FREM3: variants seen among roughly 807,000 people sequenced by gnomAD.
FREM3 encodes FRAS1-related extracellular matrix protein 3.
A neutral mutation model predicts 129.1 loss-of-function variants in FREM3; 105 were observed. The observed-to-expected ratio is 0.81, with a 90% CI of 0.69 to 0.96. The LOEUF is 0.96. Among genes scored for constraint, FREM3 ranks in the 40% least tolerant of loss-of-function variants. The pLI is 0.00. For synonymous variants in FREM3, 1,014 were observed against 1,044.9 expected (o/e 0.97, Z 0.57); for missense variants, 2,593 against 2,666.3 (o/e 0.97, Z 0.61).
chr4:143,663,037 G>A (rs964508527), intron 2 of FREM3, among the ~76,000 whole-genome samples: 34 of 152,084 alleles, frequency 2.2e-4, no homozygotes, highest in African/African-American at 2.9e-4. Context: ...CTCTTTATCC[G>A]ATTTGCCACT....
intron 2 of FREM3, among the ~76,000 whole-genome samples, chr4:143,631,329 G>GTATT (rs112309816): frequency 0.022 from 3,404 of 151,564 alleles, 48 homozygotes; most frequent in Non-Finnish European, 0.028. Context: ...TTATAATGCT[G>GTATT]TATTTATTTA....
intron 2 of FREM3, among the ~76,000 whole-genome samples, chr4:143,687,171 A>G (rs911722488): frequency 6.6e-6 from 1 of 152,200 alleles, no homozygotes; most frequent in Non-Finnish European, 1.5e-5. Flanking sequence ...GAGATAGTAC[A>G]ACTGACAACA....
intron 6 of FREM3, among the ~76,000 whole-genome samples, chr4:143,608,725 G>T (rs1738705406): frequency 6.6e-6 from 1 of 152,040 alleles, no homozygotes; most frequent in Admixed American, 6.6e-5. Context: ...GCATGTCCAG[G>T]GTATAGACAT....
intron 6 of FREM3, among the ~76,000 whole-genome samples, 198 bp from the exon 7 acceptor site, chr4:143,586,191 T>C (rs1025546871): frequency 3.3e-5 from 5 of 152,162 alleles, no homozygotes; most frequent in Non-Finnish European, 7.3e-5. Context: ...TACCATGACT[T>C]TGACTCCAGG....
Position 143,627,718 on chromosome 4 carries a change from G to A in FREM3, c.5318C>T (p.Ala1773Val). ...LTNQPFHLNW[A>V]WICLEKEYYI... Reference sequence around the variant, plus strand: ...GTACTCTTTCTCCAAACAAATCCAAGCCCAGTTTAGATGGAAAGGCTGATT... The same window carrying A: ...GTACTCTTTCTCCAAACAAATCCAAACCCAGTTTAGATGGAAAGGCTGATT... The change falls in exon 3 of 8, where the codon GCT (alanine) becomes GTT (valine). Residue 1773 changes from alanine to valine, a missense_variant. Physicochemically the swap from Ala to Val is moderately conservative, Grantham distance 64. This residue lies in a region of FREM3 where 2,276 missense variants were observed against 2,267.2 expected (regional missense o/e 1.00). Transcript: ENST00000329798. 6.5e-7 allele frequency: 1 copy of A among 1,535,118 alleles called. No individual in the cohort carries two copies. The highest frequency in any genetic ancestry group is 8.7e-7 in the Non-Finnish European group (1 of 1,145,068).
At chr4:143,577,975 C>T in intron 7 of FREM3, 123 bp from the exon 8 acceptor site, 1 of 1,111,016 alleles carries the variant, frequency 9.0e-7, no homozygotes, top group Non-Finnish European at 1.2e-6. Context: ...CTCTCAGGAT[C>T]ATATACTTTG....
chr4:143,606,357 A>G (rs1158942280), intron 6 of FREM3, among the ~76,000 whole-genome samples: 1 of 146,080 alleles, frequency 6.8e-6, no homozygotes, highest in Non-Finnish European at 1.5e-5. Context: ...TTACTATATT[A>G]TGGAATATAG....
At chr4:143,599,303 C>A (rs559403077) in intron 6 of FREM3, among the ~76,000 whole-genome samples, 3 of 152,202 alleles carry the variant, frequency 2.0e-5, no homozygotes, top group African/African-American at 7.2e-5. Context: ...GGCTAAGGGA[C>A]ACGATATTAG....
intron 2 of FREM3, among the ~76,000 whole-genome samples, chr4:143,657,559 A>G (rs566132151): frequency 6.6e-6 from 1 of 152,284 alleles, no homozygotes; most frequent in East Asian, 1.9e-4. Context: ...GATAGTAATG[A>G]TGATATTGCA....
chr4:143,696,669 T>G lies in FREM3; in HGVS notation c.4007A>C (p.Asp1336Ala). 2 of 1,537,812 alleles carry G rather than the reference T, an allele frequency of 1.3e-6. No individual in the cohort carries two copies. Among genetic ancestry groups the G allele is most frequent in the Non-Finnish European group, 1.7e-6 (2 of 1,147,044 alleles). The change falls in exon 1 of 8, where the codon GAC (aspartate) becomes GCC (alanine). Residue 1336 changes from aspartate to alanine, a missense_variant. Asp to Ala is a moderately radical substitution (Grantham distance 126). Transcript: ENST00000329798. The stretch of plus-strand genomic sequence containing the variant: ...AAAACTGAGGCTTTTATCATCTGAG[T>G]CAAGATCTGTGGCCTTGAGGATCCG... ...TNRILKATDL[D>A]SDDKSLSFVL...
At chr4:143,653,237 A>T (rs1739543691) in intron 2 of FREM3, among the ~76,000 whole-genome samples, 1 of 152,234 alleles carries the variant, frequency 6.6e-6, no homozygotes, top group Admixed American at 6.5e-5. Context: ...GGGGGTCTCA[A>T]AAGACTGAAG....
rs145137170 is a variant in FREM3, at chr4:143,615,540, T to C, written c.5780-4013A>G. On this transcript the variant is annotated intron_variant, in intron 5 of 7. Coordinates refer to ENST00000329798, the MANE Select transcript of FREM3 (RefSeq NM_001168235.2). ...TAGCAAAGGCTCGGCTGGAGCAGCA[T>C]GGGAGCGTCTATCTAGAGGGGACTT... Among the ~76,000 whole-genome samples, 602 of 152,096 alleles carry C rather than the reference T, an allele frequency of 4.0e-3. 4 individuals are homozygous for C. The highest frequency in any genetic ancestry group is 0.014 in the African/African-American group (565 of 41,494).
chr4:143,611,952 A>G (rs538644275), intron 5 of FREM3, among the ~76,000 whole-genome samples: 9 of 152,290 alleles, frequency 5.9e-5, no homozygotes, highest in African/African-American at 1.9e-4. Flanking sequence ...AGCAGCATCT[A>G]TGTAATCTGA....
chr4:143,631,503 C>T (rs1342293717), intron 2 of FREM3, among the ~76,000 whole-genome samples: 1 of 152,150 alleles, frequency 6.6e-6, no homozygotes, highest in African/African-American at 2.4e-5. Context: ...ATTACAATGC[C>T]TGGCTAATTC....
intron 2 of FREM3, among the ~76,000 whole-genome samples, chr4:143,633,309 A>G (rs1188321804): frequency 6.6e-6 from 1 of 152,194 alleles, no homozygotes; most frequent in Admixed American, 6.5e-5. Context: ...ATGATATTTA[A>G]TAGGACTTAA....
At chr4:143,647,413 C>T (rs1739438237) in intron 2 of FREM3, among the ~76,000 whole-genome samples, 1 of 152,158 alleles carries the variant, frequency 6.6e-6, no homozygotes, top group Non-Finnish European at 1.5e-5. Context: ...GTCACCAAGA[C>T]AATGGGGAAA....
chr4:143,660,834 C>G (rs567300401), intron 2 of FREM3, among the ~76,000 whole-genome samples: 7 of 152,156 alleles, frequency 4.6e-5, no homozygotes, highest in South Asian at 2.1e-4. Context: ...GTATTTTATT[C>G]TCTTTGAAGC....
intron 6 of FREM3, among the ~76,000 whole-genome samples, chr4:143,603,529 A>AT (rs1404032122): frequency 6.6e-6 from 1 of 152,182 alleles, no homozygotes; most frequent in Middle Eastern, 3.2e-3. Flanking sequence ...CATTTAATAC[A>AT]TTCTGTAGCC....
chr4:143,678,684 G>A (rs908671654), intron 2 of FREM3, among the ~76,000 whole-genome samples: 1 of 151,992 alleles, frequency 6.6e-6, no homozygotes, highest in Non-Finnish European at 1.5e-5. Flanking sequence ...ATGCAAGTAT[G>A]TACCACAGTC....
Sources: allele counts gnomAD v4.1 joint callset (sites outside exome capture counted in the v4.1 genomes callset), GRCh38; gene constraint gnomAD v4.1.1; regional missense constraint gnomAD v4.1.1; transcripts MANE v1.5; gene names NCBI Gene and HGNC (gene_info 2026-07-23, HGNC 2026-07-21).